AGMO: variants seen among roughly 807,000 people sequenced by gnomAD.
AGMO encodes the protein alkylglycerol monooxygenase, also known as glyceryl-ether monooxygenase.
AGMO carries 75 observed loss-of-function variants against 60.2 expected under a neutral mutation model. The observed-to-expected ratio is 1.25, with a 90% confidence interval of 1.03 to 1.51. AGMO has a LOEUF of 1.51. Ranked by LOEUF, AGMO falls within the 40% of genes most tolerant of loss-of-function variation. The pLI is 0.00. For missense variants in AGMO, 763 were observed against 525.5 expected, an observed-to-expected ratio of 1.45 and a Z score of -4.42; for synonymous variants, 261 against 177.1, an observed-to-expected ratio of 1.47 and a Z score of -3.76.
chr7:15,247,414 TCACACACA>T lies in AGMO; in HGVS notation c.1264-46063_1264-46056del, dbSNP rs71525649. Among the ~76,000 whole-genome samples, 1,125 of 123,656 alleles carry T rather than the reference TCACACACA, an allele frequency of 9.1e-3. 6 individuals carry two copies. The highest frequency in any genetic ancestry group is 0.015 in the South Asian group (46 of 3,160). The allele number at this position is 123,656 out of a possible 152,430, so 81.1% of individuals were successfully genotyped here. A position where few individuals can be genotyped will look rare whatever the true frequency, so the allele number is the denominator to read the frequency against. ...TTTGTTAATATATGACTTGGAGATTTCACACACACACACACACACACACACACACACAC... is the reference window on the plus strand; with the variant it reads ...TTTGTTAATATATGACTTGGAGATTTCACACACACACACACACACACACAC... On this transcript the variant is annotated intron_variant, in intron 12 of 12. Transcript: ENST00000342526.
the AGMO span, among the ~76,000 whole-genome samples, chr7:15,129,840 G>A: frequency 6.6e-6 from 1 of 152,086 alleles, no homozygotes; most frequent in African/African-American, 2.4e-5. Context: ...TAGTGATAGG[G>A]CCTGCTTAAC....
At chr7:15,211,917 T>C (rs991904484) in intron 12 of AGMO, among the ~76,000 whole-genome samples, 6 of 152,022 alleles carry the variant, frequency 3.9e-5, no homozygotes, top group Non-Finnish European at 7.4e-5. Context: ...TGAGTCAATT[T>C]TGAGCAGAAC....
the AGMO span, among the ~76,000 whole-genome samples, chr7:15,184,210 G>C: frequency 6.9e-6 from 1 of 144,032 alleles, no homozygotes; most frequent in Non-Finnish European, 1.5e-5. Context: ...TATTTCTTTG[G>C]AAAAAAGAAA....
chr7:15,125,632 G>A, the AGMO span, among the ~76,000 whole-genome samples: 3 of 151,716 alleles, frequency 2.0e-5, no homozygotes, highest in South Asian at 4.1e-4. Context: ...CAGACAATAC[G>A]TATATATGAC....
chr7:15,229,737 T>C (rs981412131), intron 12 of AGMO, among the ~76,000 whole-genome samples: 1 of 147,094 alleles, frequency 6.8e-6, no homozygotes, highest in Non-Finnish European at 1.5e-5. Context: ...AATTATATAT[T>C]ATAATATATA....
intron 3 of AGMO, among the ~76,000 whole-genome samples, chr7:15,459,603 G>GTGTGTGTGTGTT (rs1782089280): frequency 6.6e-6 from 1 of 150,832 alleles, no homozygotes; most frequent in Non-Finnish European, 1.5e-5. Context: ...GTGCGTTTGT[G>GTGTGTGTGTGTT]TGTGTGTGTG....
intron 12 of AGMO, among the ~76,000 whole-genome samples, chr7:15,320,303 G>A (rs1189230302): frequency 1.3e-5 from 2 of 151,614 alleles, no homozygotes; most frequent in South Asian, 2.1e-4. Context: ...AAAATATAAT[G>A]TATCCTAATG....
chr7:15,288,764 GA>G (rs1163339871), intron 12 of AGMO, among the ~76,000 whole-genome samples: 120 of 108,346 alleles, frequency 1.1e-3, no homozygotes, highest in Middle Eastern at 5.1e-3. Context: ...AAATCATCCT[GA>G]AAAAAAAAAA....
the AGMO span, among the ~76,000 whole-genome samples, chr7:15,128,340 T>C: frequency 6.6e-6 from 1 of 152,292 alleles, no homozygotes; most frequent in East Asian, 1.9e-4. Flanking sequence ...AACAAACTCT[T>C]CAATTTCCCA....
At chr7:15,426,387 A>G (rs1274331744) in intron 4 of AGMO, among the ~76,000 whole-genome samples, 1 of 152,178 alleles carries the variant, frequency 6.6e-6, no homozygotes, top group Non-Finnish European at 1.5e-5. Context: ...AATAATGAAA[A>G]GCGTTAACTA....
chr7:15,326,056 CTAAAT>C (rs1781330143), intron 12 of AGMO, among the ~76,000 whole-genome samples: 1 of 151,668 alleles, frequency 6.6e-6, no homozygotes, highest in African/African-American at 2.4e-5. Context: ...AGAAGCAGTG[CTAAAT>C]TAAATAATAG....
intron 5 of AGMO, chr7:15,396,569 G>T (rs114216180): frequency 2.0e-5 from 3 of 152,204 alleles, no homozygotes; most frequent in Non-Finnish European, 4.4e-5. Context: ...AAGGACAACA[G>T]CTTGCCGCTC....
chr7:15,316,965 C>A (rs1054243254), intron 12 of AGMO, among the ~76,000 whole-genome samples: 4 of 152,136 alleles, frequency 2.6e-5, no homozygotes, highest in Non-Finnish European at 5.9e-5. Context: ...TTTTTGCTCT[C>A]TGTAATTGGC....
At chr7:15,454,409 CTA>C (rs1454659604) in intron 3 of AGMO, among the ~76,000 whole-genome samples, 2 of 150,780 alleles carry the variant, frequency 1.3e-5, no homozygotes, top group African/African-American at 2.5e-5. Context: ...AAAGTGGCAA[CTA>C]TGTGGAGAGA....
intron 12 of AGMO, among the ~76,000 whole-genome samples, chr7:15,365,022 A>C (rs930433138): frequency 2.0e-5 from 3 of 152,078 alleles, no homozygotes; most frequent in Non-Finnish European, 4.4e-5. Flanking sequence ...AGAATTAACC[A>C]TCACAGAAGA....
intron 12 of AGMO, among the ~76,000 whole-genome samples, chr7:15,285,347 GACT>G (rs1424776577): frequency 2.0e-5 from 3 of 151,740 alleles, no homozygotes; most frequent in Non-Finnish European, 4.4e-5. Flanking sequence ...TACTCCATAA[GACT>G]ACTAGATTTG....
At chr7:15,364,099 T>C (rs1297943578) in intron 12 of AGMO, among the ~76,000 whole-genome samples, 1 of 151,982 alleles carries the variant, frequency 6.6e-6, no homozygotes. Context: ...ACTAAGATAG[T>C]ATGCTTCACG....
the AGMO span, among the ~76,000 whole-genome samples, chr7:15,139,216 T>G: frequency 6.6e-6 from 1 of 152,334 alleles, no homozygotes; most frequent in East Asian, 1.9e-4. Flanking sequence ...TGGTGTACAC[T>G]GTTATCTTTG....
At chr7:15,271,074 T>C (rs556312932) in intron 12 of AGMO, among the ~76,000 whole-genome samples, 1 of 152,218 alleles carries the variant, frequency 6.6e-6, no homozygotes, top group South Asian at 2.1e-4. Context: ...TACTACGGCC[T>C]TGTAATATAA....
Sources: allele counts gnomAD v4.1 joint callset (sites outside exome capture counted in the v4.1 genomes callset), GRCh38; gene constraint gnomAD v4.1.1; transcripts MANE v1.5; gene names NCBI Gene and HGNC (gene_info 2026-07-23, HGNC 2026-07-21).